CNTN5: variants seen among roughly 807,000 people sequenced by gnomAD.
The protein encoded by CNTN5 is contactin 5, also known as contactin-5.
In CNTN5, 77 loss-of-function variants were observed where a neutral mutation model predicts 129.1. The ratio of observed to expected loss-of-function variants is 0.60; its 90% CI spans 0.50 to 0.72. CNTN5 has a LOEUF of 0.72. CNTN5 is among the 30% of genes least tolerant of loss of function. The pLI, the probability that CNTN5 is intolerant of heterozygous loss-of-function variation, is 0.00. For missense variants in CNTN5, 1,478 were observed against 1,328.8 expected, an observed-to-expected ratio of 1.11 and a Z score of -1.75; for synonymous variants, 509 against 465.6, an observed-to-expected ratio of 1.09 and a Z score of -1.20.
At chr11:100,029,775 C>A (rs12800680) in intron 9 of CNTN5, among the ~76,000 whole-genome samples, 3 of 152,088 alleles carry the variant, frequency 2.0e-5, no homozygotes, top group East Asian at 3.9e-4. Context: ...GTTAAAAAAT[C>A]TTTTAATAAT....
At chr11:99,242,207 G>A (rs908317794) in intron 1 of CNTN5, among the ~76,000 whole-genome samples, 1 of 152,064 alleles carries the variant, frequency 6.6e-6, no homozygotes, top group Non-Finnish European at 1.5e-5. Flanking sequence ...TGTGAAATAT[G>A]CTATTGCTTC....
intron 20 of CNTN5, among the ~76,000 whole-genome samples, chr11:100,303,382 A>T (rs1951272742): frequency 6.6e-6 from 1 of 151,644 alleles, no homozygotes. Flanking sequence ...AAAAAATTAA[A>T]TTGGCTTTTT....
chr11:99,165,914 G>A (rs1462941840), intron 1 of CNTN5, among the ~76,000 whole-genome samples: 2 of 152,192 alleles, frequency 1.3e-5, no homozygotes, highest in African/African-American at 2.4e-5. Context: ...GAGGTGGGAT[G>A]ATGGTTGAGA....
chr11:99,928,656 G>T (rs1950119919), intron 7 of CNTN5, among the ~76,000 whole-genome samples: 3 of 152,182 alleles, frequency 2.0e-5, no homozygotes, highest in Admixed American at 1.3e-4. Flanking sequence ...AAGCAGCAGG[G>T]CCCTGGGCCT....
At chr11:100,110,256 G>C (rs1565250009) in intron 13 of CNTN5, among the ~76,000 whole-genome samples, 1 of 65,704 alleles carries the variant, frequency 1.5e-5, no homozygotes, top group Admixed American at 1.4e-4. Flanking sequence ...TTCTCTATAA[G>C]TTCTAGAAAT....
At chr11:100,242,221 G>A (rs1368051529) in intron 16 of CNTN5, among the ~76,000 whole-genome samples, 1 of 152,058 alleles carries the variant, frequency 6.6e-6, no homozygotes, top group Non-Finnish European at 1.5e-5. Context: ...TCTCTGCCTG[G>A]AAAACTCTTG....
At chr11:99,035,998 T>A (rs899902317) in intron 1 of CNTN5, among the ~76,000 whole-genome samples, 1 of 152,074 alleles carries the variant, frequency 6.6e-6, no homozygotes, top group East Asian at 1.9e-4. Context: ...TTTGCTTGTC[T>A]GTAAAGTATT....
intron 1 of CNTN5, among the ~76,000 whole-genome samples, chr11:99,310,631 A>G (rs1865067822): frequency 6.6e-6 from 1 of 152,192 alleles, no homozygotes; most frequent in East Asian, 1.9e-4. Context: ...ATCAAAACAT[A>G]GAATATTTCT....
At chr11:99,103,830 G>A (rs1866862650) in intron 1 of CNTN5, among the ~76,000 whole-genome samples, 1 of 151,828 alleles carries the variant, frequency 6.6e-6, no homozygotes, top group South Asian at 2.1e-4. Flanking sequence ...TAAAGATGGA[G>A]GCAGAGATCT....
chr11:100,253,493 A>G (rs996293132), intron 16 of CNTN5, among the ~76,000 whole-genome samples: 2 of 152,192 alleles, frequency 1.3e-5, no homozygotes, highest in Non-Finnish European at 2.9e-5. Context: ...CCAGTGACGA[A>G]GAAGTAAATG....
chr11:99,759,761 G>T (rs1439729331), intron 3 of CNTN5, among the ~76,000 whole-genome samples: 1 of 151,694 alleles, frequency 6.6e-6, no homozygotes, highest in Admixed American at 6.6e-5. Context: ...GGCAGAGAGA[G>T]AGCAAGAGAA....
chr11:99,955,245 A>G (rs905429625), intron 7 of CNTN5, among the ~76,000 whole-genome samples: 1 of 151,638 alleles, frequency 6.6e-6, no homozygotes, highest in African/African-American at 2.4e-5. Flanking sequence ...AGGGATTCAC[A>G]TTGTTAAATG....
intron 6 of CNTN5, among the ~76,000 whole-genome samples, chr11:99,893,051 C>G (rs1949106641): frequency 6.6e-6 from 1 of 152,018 alleles, no homozygotes; most frequent in Non-Finnish European, 1.5e-5. Flanking sequence ...AGCTGGGAGT[C>G]TCAGCAAATG....
At chr11:99,784,008 G>A (rs1420199156) in intron 3 of CNTN5, among the ~76,000 whole-genome samples, 1 of 151,970 alleles carries the variant, frequency 6.6e-6, no homozygotes, top group Admixed American at 6.6e-5. Flanking sequence ...GTTTTTGTGT[G>A]GTCCTGACTA....
intron 13 of CNTN5, among the ~76,000 whole-genome samples, chr11:100,114,863 T>C (rs111445289): frequency 4.7e-4 from 71 of 152,108 alleles, no homozygotes; most frequent in African/African-American, 1.6e-3. Flanking sequence ...CATTTAATAC[T>C]CTCAAATGTT....
chr11:99,222,096 TTAGAC>T (rs1383206393), intron 1 of CNTN5, among the ~76,000 whole-genome samples: 1 of 151,974 alleles, frequency 6.6e-6, no homozygotes, highest in African/African-American at 2.4e-5. Flanking sequence ...TTACAAAAAT[TTAGAC>T]TAAAGCAACA....
chr11:99,050,621 G>A (rs1406649419), intron 1 of CNTN5, among the ~76,000 whole-genome samples: 1 of 151,540 alleles, frequency 6.6e-6, no homozygotes, highest in Non-Finnish European at 1.5e-5. Context: ...CATGTTTGTT[G>A]AAAAAATAAA....
intron 2 of CNTN5, among the ~76,000 whole-genome samples, chr11:99,426,483 A>C (rs561206350): frequency 4.9e-4 from 75 of 152,210 alleles, no homozygotes; most frequent in Non-Finnish European, 7.9e-4. Context: ...ATTAAATTTT[A>C]ATCATCTTGA....
chr11:99,784,449 T>A (rs1480613971), intron 3 of CNTN5, among the ~76,000 whole-genome samples: 2 of 152,000 alleles, frequency 1.3e-5, no homozygotes, highest in African/African-American at 2.4e-5. Context: ...GTTTCCATCT[T>A]CATCCATGTC....
Sources: allele counts gnomAD v4.1 joint callset (sites outside exome capture counted in the v4.1 genomes callset), GRCh38; gene constraint gnomAD v4.1.1; transcripts MANE v1.5; gene names NCBI Gene and HGNC (gene_info 2026-07-23, HGNC 2026-07-21).